The following TGFB2 variants were observed in gnomAD, a reference collection of about 807,000 sequenced individuals.
The protein encoded by TGFB2 is transforming growth factor beta-2 proprotein.
Under a neutral mutation model 42.7 loss-of-function variants are expected in TGFB2, and 13 were observed. The observed-to-expected ratio is 0.30, with a 90% CI of 0.20 to 0.48. The LOEUF (loss-of-function observed/expected upper bound fraction) is 0.48. TGFB2 is among the 20% of genes least tolerant of loss of function. TGFB2 has a pLI of 0.99. For missense variants in TGFB2, 390 were observed against 517.5 expected, an observed-to-expected ratio of 0.75 and a Z score of 2.39; for synonymous variants, 193 against 193.6, an observed-to-expected ratio of 1.00 and a Z score of 0.03.
intron 1 of TGFB2, among the ~76,000 whole-genome samples, chr1:218,394,417 G>A (rs1356119626): frequency 6.6e-6 from 1 of 152,140 alleles, no homozygotes; most frequent in African/African-American, 2.4e-5. Flanking sequence ...GAAACCCCAT[G>A]TCTGACACAG....
At chr1:218,381,402 A>C (rs912955626) in intron 1 of TGFB2, among the ~76,000 whole-genome samples, 1 of 151,664 alleles carries the variant, frequency 6.6e-6, no homozygotes, top group African/African-American at 2.4e-5. Flanking sequence ...ACTACAGGCA[A>C]CCGCCACCAA....
chr1:218,353,566 T>C (rs750696262), intron 1 of TGFB2, among the ~76,000 whole-genome samples: 9 of 152,246 alleles, frequency 5.9e-5, no homozygotes, highest in Non-Finnish European at 1.2e-4. Flanking sequence ...TTGTTTATGC[T>C]GTTTCTTCTA....
At chr1:218,405,637 G>T in intron 2 of TGFB2, 1 of 400,946 alleles carries the variant, frequency 2.5e-6, no homozygotes, top group South Asian at 2.3e-5. Flanking sequence ...AAAAAGTTTG[G>T]GGATTACAGA....
chr1:218,378,171 T>G, intron 1 of TGFB2, among the ~76,000 whole-genome samples: 1 of 59,938 alleles, frequency 1.7e-5, no homozygotes, highest in East Asian at 3.7e-4. Flanking sequence ...ATTTATTTAT[T>G]TATTTATTTA....
chr1:218,400,397 C>A (rs1658675782), intron 1 of TGFB2, among the ~76,000 whole-genome samples: 2 of 152,124 alleles, frequency 1.3e-5, no homozygotes, highest in Non-Finnish European at 2.9e-5. Context: ...AGGAGACTTT[C>A]ATGGGGACCT....
At chr1:218,440,354 T>G (rs1028196798) in intron 6 of TGFB2, among the ~76,000 whole-genome samples, 1 of 152,158 alleles carries the variant, frequency 6.6e-6, no homozygotes, top group Non-Finnish European at 1.5e-5. Context: ...GCTTTTTTTT[T>G]TTTAATGAAA....
At chr1:218,362,113 T>C (rs764018854) in intron 1 of TGFB2, among the ~76,000 whole-genome samples, 1 of 152,134 alleles carries the variant, frequency 6.6e-6, no homozygotes, top group South Asian at 2.1e-4. Context: ...ATGGAAAAAG[T>C]CTTTGTTATC....
intron 1 of TGFB2, among the ~76,000 whole-genome samples, chr1:218,402,337 C>T (rs144203269): frequency 3.6e-4 from 55 of 152,276 alleles, no homozygotes; most frequent in African/African-American, 1.3e-3. Context: ...GGCTGTTTGC[C>T]AATGTATAGG....
chr1:218,401,156 T>A (rs1359031697), intron 1 of TGFB2, among the ~76,000 whole-genome samples: 1 of 152,158 alleles, frequency 6.6e-6, no homozygotes, highest in Non-Finnish European at 1.5e-5. Context: ...AGAAAAACTA[T>A]AAGGAAAGAT....
intron 2 of TGFB2, among the ~76,000 whole-genome samples, chr1:218,425,588 T>G (rs1310745577): frequency 6.6e-6 from 1 of 152,146 alleles, no homozygotes; most frequent in Non-Finnish European, 1.5e-5. Flanking sequence ...GCTAAAAACA[T>G]GGCAAAAAGT....
rs1446432119 is a variant in TGFB2, at chr1:218,434,114, C to G, written c.543C>G (p.Thr181=). 6.2e-7 allele frequency: 1 copy of G among 1,614,158 alleles called. No individual in the cohort carries two copies. The highest frequency in any genetic ancestry group is 1.7e-5 in the Admixed American group (1 of 60,022). ...ILKSKDLTSP[T]QRYIDSKVVK... is the part of the protein sequence containing the mutation. ...AGTCCAAAGATTTAACATCTCCAAC[C>G]CAGCGCTACATCGACAGCAAAGTTG... The change falls in exon 3 of 7, where the codon ACC becomes ACG. Residue 181 remains threonine (T), a synonymous_variant. Coordinates refer to ENST00000366930, the MANE Select transcript of TGFB2 (RefSeq NM_003238.6).
chr1:218,352,543 A>G (rs1480392068), intron 1 of TGFB2, among the ~76,000 whole-genome samples: 1 of 152,184 alleles, frequency 6.6e-6, no homozygotes. Context: ...TTTAGACTGA[A>G]AAGTTTGCTT....
chr1:218,365,775 G>T (rs994265229), intron 1 of TGFB2, among the ~76,000 whole-genome samples: 1 of 152,122 alleles, frequency 6.6e-6, no homozygotes, highest in Non-Finnish European at 1.5e-5. Flanking sequence ...TCCATGCTGA[G>T]TGTGATTCTG....
chr1:218,357,456 A>G (rs1481890199), intron 1 of TGFB2, among the ~76,000 whole-genome samples: 4 of 152,226 alleles, frequency 2.6e-5, no homozygotes, highest in Non-Finnish European at 5.9e-5. Context: ...ATTGCTGTCC[A>G]AGAGGAATTG....
intron 1 of TGFB2, among the ~76,000 whole-genome samples, chr1:218,360,590 A>G (rs903339180): frequency 2.0e-5 from 3 of 152,176 alleles, no homozygotes; most frequent in African/African-American, 7.2e-5. Flanking sequence ...TGGGGTTGAT[A>G]GGTGCAGCAA....
At chr1:218,379,488 T>TTC (rs1657886613) in intron 1 of TGFB2, among the ~76,000 whole-genome samples, 2 of 9,268 alleles carry the variant, frequency 2.2e-4, no homozygotes, top group African/African-American at 4.8e-4. Flanking sequence ...TCTTTCTTTC[T>TTC]TTTTTTTTTT....
chr1:218,436,984 G>T (rs1659990902), intron 5 of TGFB2, among the ~76,000 whole-genome samples: 1 of 152,230 alleles, frequency 6.6e-6, no homozygotes, highest in Admixed American at 6.5e-5. Context: ...ATAGAGGCTG[G>T]ATGGCAGAAC....
intron 1 of TGFB2, among the ~76,000 whole-genome samples, chr1:218,351,495 C>T (rs1177208107): frequency 5.9e-5 from 9 of 152,184 alleles, no homozygotes; most frequent in Non-Finnish European, 1.3e-4. Flanking sequence ...AGGTCACATG[C>T]TCCTCCTTCA....
At chr1:218,411,488 A>G (rs1247980783) in intron 2 of TGFB2, among the ~76,000 whole-genome samples, 1 of 152,132 alleles carries the variant, frequency 6.6e-6, no homozygotes, top group South Asian at 2.1e-4. Flanking sequence ...AGATGTCTCC[A>G]TGTGGTGTTC....
Sources: allele counts gnomAD v4.1 joint callset (sites outside exome capture counted in the v4.1 genomes callset), GRCh38; gene constraint gnomAD v4.1.1; transcripts MANE v1.5; gene names NCBI Gene and HGNC (gene_info 2026-07-23, HGNC 2026-07-21).